Variants in SLC16A12 observed in about 807,000 individuals in gnomAD.
SLC16A12 encodes the protein monocarboxylate transporter 12.
In SLC16A12, 17 loss-of-function variants were observed where a neutral mutation model predicts 42.4. That is an observed-to-expected ratio of 0.40 (90% CI 0.27 to 0.60). The LOEUF (loss-of-function observed/expected upper bound fraction) is 0.60, where lower values mean the gene tolerates loss of function less well. Among genes scored for constraint, SLC16A12 ranks in the 20% least tolerant of loss-of-function variants. The pLI, the probability that SLC16A12 is intolerant of heterozygous loss-of-function variation, is 0.42. For synonymous variants in SLC16A12, 224 were observed against 229.4 expected (o/e 0.98, Z 0.21); for missense variants, 544 against 623.0 (o/e 0.87, Z 1.35).
intron 1 of SLC16A12, chr10:89,556,391 CTCTG>C (rs1236603400): frequency 1.3e-5 from 2 of 152,196 alleles, no homozygotes; most frequent in East Asian, 1.9e-4. Flanking sequence ...CTCTCTATCT[CTCTG>C]TCTGTTTGTC....
intron 2 of SLC16A12, among the ~76,000 whole-genome samples, chr10:89,488,729 A>T (rs1379422808): frequency 2.0e-5 from 3 of 152,176 alleles, no homozygotes; most frequent in Non-Finnish European, 4.4e-5. Flanking sequence ...CGAAGGACCA[A>T]CCCCTAACCT....
At chr10:89,452,495 T>C (rs972007502) in intron 3 of SLC16A12, among the ~76,000 whole-genome samples, 2 of 152,208 alleles carry the variant, frequency 1.3e-5, no homozygotes, top group Non-Finnish European at 2.9e-5. Flanking sequence ...TTAAACATCA[T>C]GAAAAATTTA....
intron 2 of SLC16A12, among the ~76,000 whole-genome samples, chr10:89,507,121 G>A (rs965065393): frequency 5.3e-5 from 8 of 152,126 alleles, no homozygotes; most frequent in South Asian, 4.1e-4. Context: ...TGAAAGTGAC[G>A]GGGAGAATGG....
chr10:89,514,378 T>C (rs922249986), intron 2 of SLC16A12, among the ~76,000 whole-genome samples: 2 of 152,198 alleles, frequency 1.3e-5, no homozygotes, highest in Non-Finnish European at 2.9e-5. Context: ...CAGGCTGCTA[T>C]AACAAAATAC....
intron 3 of SLC16A12, among the ~76,000 whole-genome samples, chr10:89,456,840 T>A (rs985348195): frequency 6.6e-6 from 1 of 152,200 alleles, no homozygotes; most frequent in Non-Finnish European, 1.5e-5. Flanking sequence ...CTGAGGTTAA[T>A]GGCTTCCAGC....
chr10:89,481,643 TTGTGTGTG>T (rs66954717), intron 2 of SLC16A12, among the ~76,000 whole-genome samples: 2 of 144,020 alleles, frequency 1.4e-5, no homozygotes, highest in Admixed American at 6.9e-5. Context: ...TTTTTTTTTC[TTGTGTGTG>T]TGTGTGTGTG....
rs1841717456 is a variant in SLC16A12, at chr10:89,433,070, G to C, written c.1545C>G (p.Leu515=). The change falls in exon 8 of 8, where the codon CTC becomes CTG. Residue 515 remains leucine, a synonymous_variant. Coordinates refer to ENST00000371790, the MANE Select transcript of SLC16A12 (RefSeq NM_213606.4). The part of the protein sequence containing the change: ...PVATAVPGYS[L]T ...TGGGGCTCAAGGCCTTTGGTCATGT[G>C]AGGCTGTAGCCAGGCACTGCTGTAG... The C allele has an allele frequency of 3.1e-6, 5 of 1,614,008 alleles. No homozygotes were observed. The highest frequency in any genetic ancestry group is 4.2e-6 in the Non-Finnish European group (5 of 1,180,010).
intron 2 of SLC16A12, among the ~76,000 whole-genome samples, chr10:89,466,619 A>T (rs1842404735): frequency 6.6e-6 from 1 of 152,220 alleles, no homozygotes; most frequent in Non-Finnish European, 1.5e-5. Flanking sequence ...GATACTATCC[A>T]AATTTCCAGA....
intron 2 of SLC16A12, among the ~76,000 whole-genome samples, chr10:89,486,609 AAGAAAGAAAG>A (rs1842749749): frequency 2.9e-5 from 2 of 70,034 alleles, no homozygotes; most frequent in African/African-American, 7.3e-5. Context: ...AAAAAAAAGA[AAGAAAGAAAG>A]AAAGAAAGAA....
intron 2 of SLC16A12, among the ~76,000 whole-genome samples, chr10:89,497,321 T>A (rs1842934369): frequency 6.6e-6 from 1 of 152,226 alleles, no homozygotes; most frequent in Admixed American, 6.5e-5. Flanking sequence ...TTTCTTTTGG[T>A]TTTTATTTAT....
intron 2 of SLC16A12, among the ~76,000 whole-genome samples, chr10:89,518,525 G>A (rs1203919665): frequency 6.6e-6 from 1 of 152,206 alleles, no homozygotes; most frequent in East Asian, 1.9e-4. Flanking sequence ...AGACAGTGGA[G>A]GGAGCAGTAT....
chr10:89,459,811 C>T (rs1272935475), intron 3 of SLC16A12, among the ~76,000 whole-genome samples: 2 of 152,002 alleles, frequency 1.3e-5, no homozygotes, highest in Non-Finnish European at 2.9e-5. Flanking sequence ...TGTGGTGGCA[C>T]GCACCTGTAA....
intron 2 of SLC16A12, among the ~76,000 whole-genome samples, chr10:89,553,785 G>T (rs765070048): frequency 1.3e-5 from 2 of 151,924 alleles, no homozygotes; most frequent in Non-Finnish European, 2.9e-5. Flanking sequence ...CAGGAGGTCA[G>T]GAGTTCAAGA....
intron 3 of SLC16A12, among the ~76,000 whole-genome samples, chr10:89,455,111 G>GT (rs1049210721): frequency 1.3e-5 from 2 of 152,084 alleles, no homozygotes; most frequent in African/African-American, 4.8e-5. Context: ...GGAACATGTG[G>GT]TTAGGTGAGG....
intron 6 of SLC16A12, 134 bp downstream of exon 6, chr10:89,438,470 G>C: frequency 1.2e-6 from 1 of 826,302 alleles, no homozygotes; most frequent in Non-Finnish European, 1.9e-6. Flanking sequence ...GTACCAGCAA[G>C]GGAGATGCCT....
At chr10:89,531,459 C>T (rs1227265574) in intron 2 of SLC16A12, among the ~76,000 whole-genome samples, 1 of 152,112 alleles carries the variant, frequency 6.6e-6, no homozygotes, top group Non-Finnish European at 1.5e-5. Context: ...TGTAACCAAA[C>T]ACCGCTGTAA....
chr10:89,535,249 A>G (rs1262214290), intron 1 of SLC16A12, among the ~76,000 whole-genome samples, 193 bp downstream of exon 1: 1 of 151,996 alleles, frequency 6.6e-6, no homozygotes, highest in East Asian at 1.9e-4. Context: ...CAACCCAGAC[A>G]GGGCAAGTGA....
At chr10:89,495,102 G>A (rs1277272701) in intron 2 of SLC16A12, among the ~76,000 whole-genome samples, 1 of 152,090 alleles carries the variant, frequency 6.6e-6, no homozygotes, top group African/African-American at 2.4e-5. Flanking sequence ...TGTAATCCCA[G>A]CACTTTGGGA....
chr10:89,462,638 T>A lies in SLC16A12; in HGVS notation c.-46-14A>T. ...GTTACTCGCCATCTAAAACCAAAAA[T>A]CAGGACATATTTATATCTTATTGCT... On this transcript the variant is annotated splice_polypyrimidine_tract_variant and intron_variant, in intron 2 of 7. Transcript: ENST00000371790. 6.5e-7 allele frequency: 1 copy of A among 1,530,252 alleles called. No homozygotes were observed. The highest frequency in any genetic ancestry group is 2.0e-5 in the Admixed American group (1 of 49,076). The allele number at this position is 1,530,252 out of a possible 1,614,324, so 94.8% of individuals were successfully genotyped here.
Sources: gnomAD v4.1 joint callset for allele counts (sites outside exome capture counted in the v4.1 genomes callset) on GRCh38, gnomAD v4.1.1 for gene constraint, MANE v1.5 for transcripts, NCBI Gene and HGNC (gene_info 2026-07-23, HGNC 2026-07-21) for gene names.